LRP6: variants seen among roughly 807,000 people sequenced by gnomAD.
The protein encoded by LRP6 is low-density lipoprotein receptor-related protein 6.
LRP6 carries 43 observed loss-of-function variants against 184.1 expected under a neutral mutation model. That is an observed-to-expected ratio of 0.23 (90% CI 0.18 to 0.30). LRP6 has a LOEUF of 0.30. Among genes scored for constraint, LRP6 ranks in the 10% least tolerant of loss-of-function variants. LRP6 has a pLI of 1.00. For missense variants in LRP6, 1,571 were observed against 2,005.3 expected, an observed-to-expected ratio of 0.78 and a Z score of 4.14; for synonymous variants, 719 against 684.9, an observed-to-expected ratio of 1.05 and a Z score of -0.78.
Position 12,119,552 on chromosome 12 carries a change from A to C in LRP6, c.*1574T>G, listed in dbSNP as rs1949564890. ...TAGCTCAAGATGTAGCAGCCCCAGT[A>C]CCATACATGACAGCAGGTCAGGCAG... is the stretch of plus-strand genomic sequence containing the variant. On this transcript the variant is annotated 3_prime_UTR_variant, in exon 23 of 23. Coordinates refer to ENST00000261349, the MANE Select transcript of LRP6 (RefSeq NM_002336.3). 1 of 152,166 alleles carries C rather than the reference A, an allele frequency of 6.6e-6. No homozygotes were observed. The highest frequency in any genetic ancestry group is 1.5e-5 in the Non-Finnish European group (1 of 68,026). 9.4% of individuals were successfully genotyped at this position (152,166 alleles called of 1,614,324 possible). A position where few individuals can be genotyped will look rare whatever the true frequency, so the allele number is the denominator to read the frequency against.
chr12:12,161,836 G>A (rs932310096), intron 10 of LRP6, among the ~76,000 whole-genome samples: 19 of 151,810 alleles, frequency 1.3e-4, no homozygotes, highest in African/African-American at 4.6e-4. Flanking sequence ...TTGTTTCGGT[G>A]GGTTTACTTC....
rs1458401063 is a variant in LRP6 at position 12,265,019 on chromosome 12, C to G, written c.55+1662G>C. Among the ~76,000 whole-genome samples, 3 of 152,334 alleles carry G rather than the reference C, an allele frequency of 2.0e-5. No homozygotes were observed. The East Asian group carries it at 5.8e-4, about 29-fold the overall frequency. On this transcript the variant is annotated intron_variant, in intron 1 of 22. Coordinates refer to ENST00000261349, the MANE Select transcript of LRP6 (RefSeq NM_002336.3). ...GGCATTTACATCACACGCTTCTCCT[C>G]CAAGAAATACAACTAGACAACCAGA... is the stretch of plus-strand genomic sequence containing the variant.
intron 2 of LRP6, among the ~76,000 whole-genome samples, chr12:12,218,410 G>A (rs956947880): frequency 1.3e-5 from 2 of 151,578 alleles, no homozygotes; most frequent in East Asian, 3.9e-4. Context: ...CCAGGGAGTT[G>A]AGGCTGCAAT....
At chr12:12,210,293 T>A (rs1864174095) in intron 2 of LRP6, among the ~76,000 whole-genome samples, 1 of 152,180 alleles carries the variant, frequency 6.6e-6, no homozygotes, top group Non-Finnish European at 1.5e-5. Flanking sequence ...TAGACTAGGA[T>A]GGCTCCCAAG....
chr12:12,192,477 CTG>C (rs1565626929), intron 3 of LRP6, among the ~76,000 whole-genome samples: 1 of 151,470 alleles, frequency 6.6e-6, no homozygotes, highest in Non-Finnish European at 1.5e-5. Context: ...AAGGCAAAGG[CTG>C]TTAGACTGAA....
intron 2 of LRP6, among the ~76,000 whole-genome samples, chr12:12,234,332 C>G (rs1027748517): frequency 1.3e-5 from 2 of 151,864 alleles, no homozygotes; most frequent in African/African-American, 4.8e-5. Context: ...TGCCTGTAGT[C>G]CCAGCTACTT....
chr12:12,258,122 C>A (rs1555127462), intron 1 of LRP6, among the ~76,000 whole-genome samples: 3 of 151,964 alleles, frequency 2.0e-5, no homozygotes, highest in Non-Finnish European at 4.4e-5. Context: ...GCTAAGAAAT[C>A]TTTATTTATT....
chr12:12,216,230 T>G (rs898127199), intron 2 of LRP6, among the ~76,000 whole-genome samples: 2 of 151,670 alleles, frequency 1.3e-5, no homozygotes, highest in African/African-American at 4.9e-5. Context: ...TGGAGACCCC[T>G]CTATCTATCA....
chr12:12,187,530 T>A (rs1021687917), intron 3 of LRP6: 1 of 248,246 alleles, frequency 4.0e-6, no homozygotes, highest in Non-Finnish European at 7.9e-6. Context: ...ATCACAGGGG[T>A]TACAGTTGGC....
At chr12:12,220,194 A>C (rs1289611738) in intron 2 of LRP6, among the ~76,000 whole-genome samples, 1 of 152,060 alleles carries the variant, frequency 6.6e-6, no homozygotes, top group African/African-American at 2.4e-5. Context: ...AGACTGAGGC[A>C]GGAGGATCAC....
At chr12:12,194,022 T>C (rs879000553) in intron 3 of LRP6, among the ~76,000 whole-genome samples, 11 of 152,044 alleles carry the variant, frequency 7.2e-5, no homozygotes, top group Admixed American at 7.2e-4. Context: ...ACCCCAGAAA[T>C]GCAAGATCGG....
intron 4 of LRP6, among the ~76,000 whole-genome samples, chr12:12,185,907 G>A (rs1421081260): frequency 5.3e-5 from 8 of 150,240 alleles, no homozygotes; most frequent in Non-Finnish European, 8.9e-5. Flanking sequence ...GTGCAATGGC[G>A]TGATCTTGGC....
At chr12:12,182,167 G>A (rs1018902826) in intron 5 of LRP6, among the ~76,000 whole-genome samples, 3 of 152,110 alleles carry the variant, frequency 2.0e-5, no homozygotes, top group South Asian at 2.1e-4. Context: ...ATCTAATCTC[G>A]CTAAGCCTAG....
At chr12:12,218,517 A>ATAC (rs1294121272) in intron 2 of LRP6, among the ~76,000 whole-genome samples, 42 of 142,980 alleles carry the variant, frequency 2.9e-4, no homozygotes, top group East Asian at 9.9e-4. Flanking sequence ...AATAATAATA[A>ATAC]TACTATACAA....
intron 1 of LRP6, among the ~76,000 whole-genome samples, chr12:12,265,620 G>T (rs1446782604): frequency 3.3e-5 from 5 of 152,178 alleles, no homozygotes; most frequent in Non-Finnish European, 7.4e-5. Flanking sequence ...ACGCCAGTAA[G>T]AACTTTACCA....
In LRP6 at chr12:12,119,290, T is replaced by C. The variant is rs1949561534; in HGVS notation, c.*1836A>G. ...ACCCTTGCCCAAATTCTGAATCCTTTCTTCCACTGTTTTCTCTTGGGCCCT... is the reference window on the plus strand; with the variant it reads ...ACCCTTGCCCAAATTCTGAATCCTTCCTTCCACTGTTTTCTCTTGGGCCCT... On this transcript the variant is annotated 3_prime_UTR_variant, in exon 23 of 23. Coordinates refer to ENST00000261349, the MANE Select transcript of LRP6 (RefSeq NM_002336.3). 6.6e-6 allele frequency: 1 copy of C among 152,106 alleles called. No individual in the cohort carries two copies. Among genetic ancestry groups the C allele is most frequent in the African/African-American group, 2.4e-5 (1 of 41,426 alleles). 9.4% of individuals were successfully genotyped at this position (152,106 alleles called of 1,614,324 possible).
At chr12:12,250,595 A>C (rs1865301623) in intron 1 of LRP6, among the ~76,000 whole-genome samples, 1 of 152,114 alleles carries the variant, frequency 6.6e-6, no homozygotes, top group Non-Finnish European at 1.5e-5. Flanking sequence ...CACTGCACAC[A>C]GAAATATCAT....
chr12:12,162,390 A>G lies in LRP6; in HGVS notation c.2082T>C (p.Ser694=), dbSNP rs1239315984. 4 of 1,614,212 alleles carry G rather than the reference A, an allele frequency of 2.5e-6. No homozygotes were observed. The highest frequency in any genetic ancestry group is 1.7e-5 in the Admixed American group (1 of 60,032). Residue 694 remains serine, a synonymous_variant, in exon 10 of 23, where the codon AGT becomes AGC. Transcript: ENST00000261349. ...CGAATTCTACCACATGTTCCAGTGC[A>G]CTGCCATTCATAAAGGCTCTGCTGA... ...KTISRAFMNG[S]ALEHVVEFGL...
chr12:12,225,164 A>C (rs1864586363), intron 2 of LRP6, among the ~76,000 whole-genome samples: 1 of 152,080 alleles, frequency 6.6e-6, no homozygotes, highest in Non-Finnish European at 1.5e-5. Flanking sequence ...AGTGAGCCAA[A>C]ATCACGCCAC....
Sources: allele counts gnomAD v4.1 joint callset (sites outside exome capture counted in the v4.1 genomes callset), GRCh38; gene constraint gnomAD v4.1.1; transcripts MANE v1.5; gene names NCBI Gene and HGNC (gene_info 2026-07-23, HGNC 2026-07-21).